MECOM: variants seen among roughly 807,000 people sequenced by gnomAD.
MECOM encodes the protein histone-lysine N-methyltransferase MECOM.
A neutral mutation model predicts 116.3 loss-of-function variants in MECOM; 13 were observed. The observed-to-expected ratio is 0.11, with a 90% CI of 0.07 to 0.18. The LOEUF (loss-of-function observed/expected upper bound fraction) is 0.18, where lower values mean the gene tolerates loss of function less well. Ranked by LOEUF, MECOM falls within the 10% of genes least tolerant of loss-of-function variation. The pLI is 1.00. For synonymous variants in MECOM, 528 were observed against 535.2 expected, an observed-to-expected ratio of 0.99 and a Z score of 0.19; for missense variants, 1,299 against 1,509.0, an observed-to-expected ratio of 0.86 and a Z score of 2.31.
chr3:169,245,963 C>CT (rs912318187), intron 2 of MECOM, among the ~76,000 whole-genome samples: 13 of 151,872 alleles, frequency 8.6e-5, no homozygotes, highest in African/African-American at 3.1e-4. Context: ...TCTGCCAAGC[C>CT]TTTTTTTTCC....
intron 2 of MECOM, among the ~76,000 whole-genome samples, chr3:169,198,166 G>C (rs1242259134): frequency 1.3e-5 from 2 of 151,970 alleles, no homozygotes; most frequent in Non-Finnish European, 2.9e-5. Flanking sequence ...GACAATAAAA[G>C]ATGATGTTGA....
intron 1 of MECOM, among the ~76,000 whole-genome samples, chr3:169,590,720 A>G (rs1355295618): frequency 6.6e-6 from 1 of 152,190 alleles, no homozygotes; most frequent in African/African-American, 2.4e-5. Context: ...AAGTCCACGC[A>G]CTGCCACTTG....
At chr3:169,265,375 A>G (rs1758136461) in intron 2 of MECOM, among the ~76,000 whole-genome samples, 1 of 152,224 alleles carries the variant, frequency 6.6e-6, no homozygotes, top group African/African-American at 2.4e-5. Context: ...TTACTTGAAA[A>G]TCAATATATT....
intron 2 of MECOM, among the ~76,000 whole-genome samples, chr3:169,265,088 A>C (rs1001698570): frequency 7.9e-5 from 12 of 152,226 alleles, no homozygotes; most frequent in Admixed American, 3.3e-4. Flanking sequence ...TATATAAATC[A>C]ACCCGAATTT....
At chr3:169,306,436 C>G (rs1447719651) in intron 2 of MECOM, among the ~76,000 whole-genome samples, 1 of 152,192 alleles carries the variant, frequency 6.6e-6, no homozygotes, top group East Asian at 1.9e-4. Flanking sequence ...AATCCCAGCA[C>G]TTTGGGAGGC....
chr3:169,507,763 G>A (rs570384295), intron 1 of MECOM, among the ~76,000 whole-genome samples: 2 of 140,578 alleles, frequency 1.4e-5, no homozygotes, highest in African/African-American at 5.3e-5. Context: ...CCGGGTTCAC[G>A]CCATTCTCCT....
intron 2 of MECOM, among the ~76,000 whole-genome samples, chr3:169,289,392 T>C (rs1342444113): frequency 6.6e-6 from 1 of 152,218 alleles, no homozygotes; most frequent in African/African-American, 2.4e-5. Context: ...AGGCAGCCAA[T>C]GTTGGGATGG....
chr3:169,479,139 G>A (rs1750903601), intron 1 of MECOM, among the ~76,000 whole-genome samples: 1 of 152,144 alleles, frequency 6.6e-6, no homozygotes, highest in African/African-American at 2.4e-5. Context: ...AGTCATAAAT[G>A]TGATAAGTAG....
chr3:169,660,550 A>G (rs1215007679), intron 1 of MECOM, among the ~76,000 whole-genome samples: 5 of 152,184 alleles, frequency 3.3e-5, no homozygotes, highest in Non-Finnish European at 7.3e-5. Context: ...AAAAGACAAA[A>G]AGAACAACAA....
chr3:169,372,481 T>A (rs1730303879), intron 2 of MECOM, among the ~76,000 whole-genome samples: 1 of 152,042 alleles, frequency 6.6e-6, no homozygotes, highest in Non-Finnish European at 1.5e-5. Flanking sequence ...TCCTGAACCC[T>A]CGTTTTCATT....
At chr3:169,112,901 G>A in intron 8 of MECOM, 27 bp from the exon 9 acceptor site, 2 of 1,522,712 alleles carry the variant, frequency 1.3e-6, no homozygotes, top group Non-Finnish European at 1.8e-6. Flanking sequence ...AGATTTTGGA[G>A]ATGAAGCAGT....
chr3:169,223,326 C>T (rs1752353250), intron 2 of MECOM, among the ~76,000 whole-genome samples: 2 of 125,678 alleles, frequency 1.6e-5, no homozygotes, highest in Admixed American at 9.6e-5. Flanking sequence ...TGATGTTCCC[C>T]ACCCTGTGTC....
chr3:169,307,842 C>A (rs1467407015), intron 2 of MECOM, among the ~76,000 whole-genome samples: 2 of 152,166 alleles, frequency 1.3e-5, no homozygotes, highest in African/African-American at 2.4e-5. Flanking sequence ...ACGACCCAAA[C>A]ATCTTATCCT....
At chr3:169,649,524 T>TTA (rs1274845524) in intron 1 of MECOM, among the ~76,000 whole-genome samples, 2 of 152,142 alleles carry the variant, frequency 1.3e-5, no homozygotes, top group Non-Finnish European at 2.9e-5. Flanking sequence ...TTTGTCCCTG[T>TTA]TAATAAATCA....
intron 2 of MECOM, among the ~76,000 whole-genome samples, chr3:169,216,763 CTT>C (rs1467839458): frequency 2.0e-5 from 3 of 151,892 alleles, no homozygotes; most frequent in Admixed American, 6.6e-5. Context: ...AAAATGCAAT[CTT>C]AATTTTGCAA....
chr3:169,393,476 A>G (rs929333622), intron 1 of MECOM, among the ~76,000 whole-genome samples: 2 of 152,316 alleles, frequency 1.3e-5, no homozygotes, highest in African/African-American at 4.8e-5. Flanking sequence ...TTGATGGGGG[A>G]AAAAAGATCT....
At chr3:169,378,674 CA>C (rs1158941243) in intron 2 of MECOM, among the ~76,000 whole-genome samples, 6 of 151,600 alleles carry the variant, frequency 4.0e-5, no homozygotes, top group Non-Finnish European at 2.9e-5. Context: ...CAAAATGACA[CA>C]TTTTTTTGGA....
At chr3:169,323,757 A>G (rs1169693860) in intron 2 of MECOM, among the ~76,000 whole-genome samples, 1 of 152,030 alleles carries the variant, frequency 6.6e-6, no homozygotes, top group African/African-American at 2.4e-5. Context: ...TTGTTTTTAT[A>G]CTCTATGTGC....
rs544107028 is a variant in MECOM, at chr3:169,598,324, C to T, written c.37+65012G>A. ...ATTTTATCTTAAAATGGCATCTTCG[C>T]AGCTGTAATTTCCATCATATGAAAT... is the stretch of plus-strand genomic sequence containing the variant. On this transcript the variant is annotated intron_variant, in intron 1 of 16. Transcript: ENST00000651503. Among the ~76,000 whole-genome samples the T allele has an allele frequency of 3.3e-5, 5 of 152,270 alleles. No individual in the cohort carries two copies. The South Asian group carries it at 1.0e-3, about 32-fold the overall frequency.
Sources: allele counts gnomAD v4.1 joint callset (sites outside exome capture counted in the v4.1 genomes callset), GRCh38; gene constraint gnomAD v4.1.1; transcripts MANE v1.5; gene names NCBI Gene and HGNC (gene_info 2026-07-23, HGNC 2026-07-21).